The following ATRNL1 variants were observed in gnomAD, a reference collection of about 807,000 sequenced individuals.
ATRNL1 encodes the protein attractin like 1, also known as attractin-like protein 1.
ATRNL1 carries 95 observed loss-of-function variants against 182.7 expected under a neutral mutation model. The ratio of observed to expected loss-of-function variants is 0.52; its 90% CI spans 0.44 to 0.62. The LOEUF is 0.62. ATRNL1 is among the 20% of genes least tolerant of loss of function. The probability of loss-of-function intolerance (pLI) is 0.00; values close to 1 mark genes in which losing one functional copy is unlikely to be tolerated. For synonymous variants in ATRNL1, 576 were observed against 568.3 expected, an observed-to-expected ratio of 1.01 and a Z score of -0.19; for missense variants, 1,471 against 1,679.5, an observed-to-expected ratio of 0.88 and a Z score of 2.17.
intron 8 of ATRNL1, among the ~76,000 whole-genome samples, chr10:115,198,209 CAG>C (rs1312849787): frequency 2.0e-5 from 3 of 152,084 alleles, no homozygotes; most frequent in Non-Finnish European, 4.4e-5. Context: ...ACGATTCTAA[CAG>C]ATGTGAAATG....
intron 27 of ATRNL1, among the ~76,000 whole-genome samples, chr10:115,776,116 T>C (rs1443420896): frequency 1.3e-5 from 2 of 152,194 alleles, no homozygotes; most frequent in Non-Finnish European, 2.9e-5. Flanking sequence ...TTATCAAGGT[T>C]AATCACAAAT....
intron 26 of ATRNL1, among the ~76,000 whole-genome samples, chr10:115,596,686 C>A (rs1346978553): frequency 1.3e-5 from 2 of 152,060 alleles, no homozygotes; most frequent in Non-Finnish European, 2.9e-5. Flanking sequence ...AAACCCGTGA[C>A]AGTGAGAGTA....
chr10:115,165,588 AG>A lies in ATRNL1; in HGVS notation c.1037del (p.Gly346GlufsTer83). The A allele has an allele frequency of 6.5e-7, 1 of 1,540,116 alleles. No homozygotes were observed. Among genetic ancestry groups the A allele is most frequent in the Non-Finnish European group, 8.8e-7 (1 of 1,133,098 alleles). Reference sequence around the variant, plus strand: ...ATTTAGAAAGCAGTATATGGAATGTAGGAACTCCATCAAGGGGACCTCTCCA... The same window carrying A: ...ATTTAGAAAGCAGTATATGGAATGTAGAACTCCATCAAGGGGACCTCTCCA... ...YNLESSIWNVGTPSRGPLQRY... is the reference protein window; with the variant it reads ...YNLESSIWNVXTPSRGPLQRY... On this transcript the variant is annotated frameshift_variant, in exon 7 of 29. Transcript: ENST00000355044. LOFTEE classifies it high-confidence loss of function.
At chr10:115,415,394 T>A (rs1422702962) in intron 20 of ATRNL1, among the ~76,000 whole-genome samples, 1 of 152,034 alleles carries the variant, frequency 6.6e-6, no homozygotes, top group Admixed American at 6.6e-5. Context: ...TTCCCCCTTA[T>A]TTTTAAAGAG....
chr10:115,748,218 C>T (rs1948348546), intron 27 of ATRNL1, among the ~76,000 whole-genome samples: 4 of 151,926 alleles, frequency 2.6e-5, no homozygotes, highest in Admixed American at 6.6e-5. Context: ...CCCAGGGCAG[C>T]CAGCAATGTT....
At chr10:115,676,594 ATATATT>A (rs781847761) in intron 26 of ATRNL1, among the ~76,000 whole-genome samples, 2 of 151,990 alleles carry the variant, frequency 1.3e-5, no homozygotes, top group Non-Finnish European at 2.9e-5. Flanking sequence ...GTATATATAT[ATATATT>A]TATGATTCAG....
intron 25 of ATRNL1, among the ~76,000 whole-genome samples, chr10:115,542,580 G>T (rs1304678385): frequency 6.6e-6 from 1 of 152,074 alleles, no homozygotes; most frequent in African/African-American, 2.4e-5. Flanking sequence ...AATAAAGTTG[G>T]TGCGTAGTGT....
chr10:115,414,213 G>A lies in ATRNL1; in HGVS notation c.3270-12037G>A, dbSNP rs1554960439. On this transcript the variant is annotated intron_variant, in intron 20 of 28. Transcript: ENST00000355044. Reference sequence around the variant, plus strand: ...AAGAAAACCTACATAAAAGATTCTGGAATCTGATTTCAAGCTTCCCTCCTC... The same window carrying A: ...AAGAAAACCTACATAAAAGATTCTGAAATCTGATTTCAAGCTTCCCTCCTC... Among the ~76,000 whole-genome samples, 4 of 152,064 alleles carry A rather than the reference G, an allele frequency of 2.6e-5. No homozygotes were observed. In the South Asian group the frequency reaches 6.2e-4, roughly 24 times the overall value.
At chr10:115,687,339 T>G (rs891616853) in intron 26 of ATRNL1, among the ~76,000 whole-genome samples, 2 of 152,108 alleles carry the variant, frequency 1.3e-5, no homozygotes, top group African/African-American at 4.8e-5. Context: ...CCATTTTAGA[T>G]TTATCATATA....
At chr10:115,878,744 C>T (rs528348516) in intron 28 of ATRNL1, among the ~76,000 whole-genome samples, 4 of 152,144 alleles carry the variant, frequency 2.6e-5, no homozygotes, top group African/African-American at 9.6e-5. Context: ...TTGTTAATAC[C>T]GTTAATACCA....
intron 26 of ATRNL1, among the ~76,000 whole-genome samples, chr10:115,597,335 G>C (rs1263558862): frequency 1.3e-5 from 2 of 152,106 alleles, no homozygotes; most frequent in South Asian, 2.1e-4. Flanking sequence ...TTTTATGAAA[G>C]GTTGAGAAAT....
rs1441663993 is a variant in ATRNL1 at position 115,268,529 on chromosome 10, A to C, written c.2100+85A>C. 7.2e-5 allele frequency: 67 copies of C among 930,954 alleles called. No individual in the cohort carries two copies. The Admixed American group carries it at 1.2e-3, about 17-fold the overall frequency. 57.7% of individuals were successfully genotyped at this position (930,954 alleles called of 1,614,324 possible). ...AGCTTACCATTTAGTAGCACTGTAG[A>C]AAAAAAGCACTTTACACATTAAGAC... On this transcript the variant is annotated intron_variant, in intron 13 of 28. Coordinates refer to ENST00000355044, the MANE Select transcript of ATRNL1 (RefSeq NM_207303.4).
At chr10:115,114,110 G>A (rs1274071387) in intron 1 of ATRNL1, among the ~76,000 whole-genome samples, 1 of 152,118 alleles carries the variant, frequency 6.6e-6, no homozygotes, top group African/African-American at 2.4e-5. Flanking sequence ...CCTGTCTGCT[G>A]TCCACTGATT....
At chr10:115,171,446 T>C (rs1252667063) in intron 8 of ATRNL1, 154 bp downstream of exon 8, 1 of 621,682 alleles carries the variant, frequency 1.6e-6, no homozygotes, top group African/African-American at 1.9e-5. Context: ...TTTTTGATTA[T>C]GTTAGATTTT....
chr10:115,177,633 C>T (rs141773400), intron 8 of ATRNL1, among the ~76,000 whole-genome samples: 15 of 152,168 alleles, frequency 9.9e-5, no homozygotes, highest in African/African-American at 3.6e-4. Context: ...CCAAAACCTA[C>T]CCATTCTTAG....
At chr10:115,746,684 G>C (rs1948301761) in intron 27 of ATRNL1, among the ~76,000 whole-genome samples, 1 of 151,838 alleles carries the variant, frequency 6.6e-6, no homozygotes, top group Non-Finnish European at 1.5e-5. Flanking sequence ...TTCTCACTGG[G>C]AAGCTCAGCT....
chr10:115,725,360 G>A (rs782742891), intron 26 of ATRNL1, among the ~76,000 whole-genome samples: 9 of 152,076 alleles, frequency 5.9e-5, no homozygotes, highest in Non-Finnish European at 1.2e-4. Flanking sequence ...GTCAACGATT[G>A]TGAGTTTGGA....
At chr10:115,545,292 C>T (rs1852590155) in intron 25 of ATRNL1, among the ~76,000 whole-genome samples, 2 of 150,012 alleles carry the variant, frequency 1.3e-5, no homozygotes, top group South Asian at 2.1e-4. Flanking sequence ...TGTATTGACA[C>T]CTACTATCTC....
At chr10:115,543,596 C>G (rs1288464903) in intron 25 of ATRNL1, among the ~76,000 whole-genome samples, 4 of 151,918 alleles carry the variant, frequency 2.6e-5, no homozygotes, top group Non-Finnish European at 5.9e-5. Flanking sequence ...TATAAAATAG[C>G]GACAATATTA....
Sources: allele counts gnomAD v4.1 joint callset (sites outside exome capture counted in the v4.1 genomes callset), GRCh38; gene constraint gnomAD v4.1.1; transcripts MANE v1.5; gene names NCBI Gene and HGNC (gene_info 2026-07-23, HGNC 2026-07-21).